SLC9A3: variants seen among roughly 807,000 people sequenced by gnomAD.
SLC9A3 encodes sodium/hydrogen exchanger 3.
Under a neutral mutation model 86.8 loss-of-function variants are expected in SLC9A3, and 37 were observed. The ratio of observed to expected loss-of-function variants is 0.43; its 90% CI spans 0.33 to 0.56. SLC9A3 has a LOEUF of 0.56. Among genes scored for constraint, SLC9A3 ranks in the 20% least tolerant of loss-of-function variants. The pLI is 0.06. For synonymous variants in SLC9A3, 581 were observed against 528.3 expected (o/e 1.10, Z -1.37); for missense variants, 1,011 against 1,171.9 (o/e 0.86, Z 2.00).
intron 1 of SLC9A3, among the ~76,000 whole-genome samples, chr5:523,010 CG>C (rs1733929833): frequency 6.6e-6 from 1 of 152,018 alleles, no homozygotes; most frequent in Admixed American, 6.5e-5. Flanking sequence ...GGCAGCCCGG[CG>C]GGGAGCTGAA....
In SLC9A3 at chr5:474,920, C is replaced by T. The variant is rs780527679; in HGVS notation, c.2464G>A (p.Glu822Lys). The T allele has an allele frequency of 3.8e-6, 6 of 1,596,740 alleles. No homozygotes were observed. In the African/African-American group the frequency reaches 4.0e-5, roughly 11 times the overall value. ...DSFLQADGPE[E>K]RPPAALPEST... ...TCGGGGAGGGCGGCGGGGGGCCGCT[C>T]CTCGGGGCCGTCTGCCTGCAGGAAG... Residue 822 changes from glutamate (E) to lysine (K), a missense_variant, in exon 16 of 17, where the codon GAG (glutamate) becomes AAG (lysine). By Grantham distance (56) the Glu-to-Lys change is moderately conservative (BLOSUM62 1). Transcript: ENST00000264938.
chr5:492,292 T>TGGG (rs1295207257), intron 1 of SLC9A3, among the ~76,000 whole-genome samples: 3 of 48,606 alleles, frequency 6.2e-5, no homozygotes. Context: ...GTGGGACCCG[T>TGGG]GCGGCAGAGG....
chr5:485,196 C>T lies in SLC9A3; in HGVS notation c.711G>A (p.Leu237=), dbSNP rs1466067563. The T allele has an allele frequency of 3.7e-6, 6 of 1,613,966 alleles. No individual in the cohort carries two copies. In the Admixed American group the frequency reaches 6.7e-5, roughly 18 times the overall value. ...CCACGCCAGTCACGTTGTCACCTCC[C>T]AGCGCCACGAAAGATTCAAACACAT... ...LYNVFESFVA[L]GGDNVTGVDC... Residue 237 remains leucine, a synonymous_variant, in exon 4 of 17, where the codon CTG becomes CTA. Coordinates refer to ENST00000264938, the MANE Select transcript of SLC9A3 (RefSeq NM_004174.4).
intron 1 of SLC9A3, among the ~76,000 whole-genome samples, chr5:498,547 G>C (rs1049188504): frequency 6.6e-6 from 1 of 152,170 alleles, no homozygotes; most frequent in Non-Finnish European, 1.5e-5. Context: ...GATTACAGGC[G>C]TGCGCCACCA....
intron 11 of SLC9A3, 43 bp downstream of exon 11, chr5:477,289 C>A: frequency 7.1e-7 from 1 of 1,404,304 alleles, no homozygotes; most frequent in Non-Finnish European, 9.9e-7. Context: ...GCTCCCGAGG[C>A]TGGGCTCTTC....
Position 484,755 on chromosome 5 carries a change from G to A in SLC9A3, c.755-58C>T, listed in dbSNP as rs1739386791. On this transcript the variant is annotated intron_variant, in intron 4 of 16. Transcript: ENST00000264938. ...GCCTTCCGGGCCCTTCCTTGCCAGG[G>A]GCCGCCTGGTGACCCCGCGGAAGTG... 3.2e-6 allele frequency: 5 copies of A among 1,569,514 alleles called. No homozygotes were observed. In the South Asian group the frequency reaches 4.5e-5, roughly 14 times the overall value.
At chr5:504,246 G>A (rs564501426) in intron 1 of SLC9A3, among the ~76,000 whole-genome samples, 34 of 152,244 alleles carry the variant, frequency 2.2e-4, no homozygotes, top group African/African-American at 7.7e-4. Context: ...CGGAACCCCC[G>A]GGAACCCAAG....
Position 491,994 on chromosome 5 carries a change from C to T in SLC9A3, c.289G>A (p.Gly97Ser), listed in dbSNP as rs1286293489. ...ATGTGGTCGGCCGCCCAGACGATGC[C>T]GCCCAGCACCAGGCCCAGCACGATG... ...LLIVLGLVLG[G>S]IVWAADHIAS... is the part of the protein sequence containing the mutation. Residue 97 changes from glycine (G) to serine (S), a missense_variant, in exon 2 of 17, where the codon GGC (glycine) becomes AGC (serine). Gly to Ser is a moderately conservative substitution (Grantham distance 56). This residue lies in a region of SLC9A3 where 565 missense variants were observed against 790.0 expected (regional missense o/e 0.72). Transcript: ENST00000264938. The surrounding 1 kb of genome is among the most constrained non-coding windows in gnomAD (Gnocchi z 9.2). 7.5e-6 allele frequency: 12 copies of T among 1,599,856 alleles called. No homozygotes were observed. Among genetic ancestry groups the T allele is most frequent in the African/African-American group, 1.4e-5 (1 of 73,606 alleles).
chr5:475,790 G>A, intron 14 of SLC9A3, 119 bp from the exon 15 acceptor site: 3 of 715,828 alleles, frequency 4.2e-6, no homozygotes, highest in Non-Finnish European at 7.3e-6. Flanking sequence ...CCACAGAGAG[G>A]AGGGCTAAAC....
chr5:508,949 A>G (rs1740750086), intron 1 of SLC9A3, among the ~76,000 whole-genome samples: 1 of 151,876 alleles, frequency 6.6e-6, no homozygotes, highest in African/African-American at 2.4e-5. Flanking sequence ...TCTCTACAAA[A>G]TACAAAAACT....
chr5:481,109 CA>C (rs1456178132), intron 9 of SLC9A3, among the ~76,000 whole-genome samples: 12 of 152,346 alleles, frequency 7.9e-5, no homozygotes, highest in Admixed American at 6.5e-4. Flanking sequence ...AGGCTGGTCT[CA>C]AACTCCTGAC....
intron 11 of SLC9A3, among the ~76,000 whole-genome samples, chr5:476,910 C>T (rs1162782809): frequency 6.6e-6 from 1 of 152,244 alleles, no homozygotes; most frequent in Non-Finnish European, 1.5e-5. Flanking sequence ...GAAGTGGGTC[C>T]CTTTCCTTAC....
At position 491,663 on chromosome 5, in the gene SLC9A3, G is replaced by A. The variant is rs536148543; in HGVS notation, c.514+106C>T. ...CCACGTTTCTCACCTGACACTTACCGCCTGGAGGCCAGGGTGCGGCACCCC... is the reference window on the plus strand; with the variant it reads ...CCACGTTTCTCACCTGACACTTACCACCTGGAGGCCAGGGTGCGGCACCCC... On this transcript the variant is annotated intron_variant, in intron 2 of 16. Coordinates refer to ENST00000264938, the MANE Select transcript of SLC9A3 (RefSeq NM_004174.4). The surrounding 1 kb of genome is among the most constrained non-coding windows in gnomAD (Gnocchi z 9.2). The A allele has an allele frequency of 1.2e-5, 13 of 1,057,006 alleles. No homozygotes were observed. The highest frequency in any genetic ancestry group is 2.8e-4 in the Middle Eastern group (1 of 3,524). 65.5% of individuals were successfully genotyped at this position (1,057,006 alleles called of 1,614,324 possible). A position where few individuals can be genotyped will look rare whatever the true frequency, so the allele number is the denominator to read the frequency against.
At chr5:485,416 C>T (rs573411326) in intron 3 of SLC9A3, among the ~76,000 whole-genome samples, 185 bp from the exon 4 acceptor site, 2 of 152,232 alleles carry the variant, frequency 1.3e-5, no homozygotes, top group African/African-American at 4.8e-5. Context: ...GCCAGCAAGA[C>T]ATGGGGCAAA....
chr5:493,059 TG>T (rs1739863544), intron 1 of SLC9A3, among the ~76,000 whole-genome samples: 1 of 147,910 alleles, frequency 6.8e-6, no homozygotes, highest in Non-Finnish European at 1.5e-5. Flanking sequence ...GCCCTGTGGG[TG>T]GGGGTGCAGG....
chr5:479,659 C>G lies in SLC9A3; in HGVS notation c.1647+177G>C, dbSNP rs192757127. On this transcript the variant is annotated intron_variant, in intron 10 of 16. Coordinates refer to ENST00000264938, the MANE Select transcript of SLC9A3 (RefSeq NM_004174.4). ...GGACTCTGTGACTCAGTTTACCCCACGAGAGCCCCTGGGATTCCCAGGGCA... is the reference window on the plus strand; with the variant it reads ...GGACTCTGTGACTCAGTTTACCCCAGGAGAGCCCCTGGGATTCCCAGGGCA... The G allele has an allele frequency of 1.1e-5, 7 of 616,580 alleles. No homozygotes were observed. In the South Asian group the frequency reaches 1.3e-4, roughly 12 times the overall value. 38.2% of individuals were successfully genotyped at this position (616,580 alleles called of 1,614,324 possible). A position where few individuals can be genotyped will look rare whatever the true frequency, so the allele number is the denominator to read the frequency against.
chr5:478,040 G>C (rs1040403413), intron 10 of SLC9A3: 9 of 152,740 alleles, frequency 5.9e-5, no homozygotes, highest in African/African-American at 1.9e-4. Flanking sequence ...GGCCGGCAGG[G>C]GCACGGGTGT....
intron 2 of SLC9A3, among the ~76,000 whole-genome samples, chr5:489,652 T>A (rs1739634214): frequency 6.6e-6 from 1 of 152,188 alleles, no homozygotes. Flanking sequence ...TAAAGTTCCA[T>A]GTTGGAACGG....
chr5:482,936 T>TC (rs997737854), intron 6 of SLC9A3, among the ~76,000 whole-genome samples, 186 bp from the exon 7 acceptor site: 6 of 150,392 alleles, frequency 4.0e-5, no homozygotes, highest in South Asian at 4.3e-4. Context: ...GCCTGGCGTC[T>TC]CCCCCCCACG....
Sources: gnomAD v4.1 joint callset for allele counts (sites outside exome capture counted in the v4.1 genomes callset) on GRCh38, gnomAD v4.1.1 for gene constraint, gnomAD v4.1.1 regional missense constraint, Gnocchi (gnomAD v3.1) non-coding constraint, MANE v1.5 for transcripts, NCBI Gene and HGNC (gene_info 2026-07-23, HGNC 2026-07-21) for gene names.